TET3: variants seen among roughly 807,000 people sequenced by gnomAD.
TET3 encodes the protein tet methylcytosine dioxygenase 3.
TET3 carries 19 observed loss-of-function variants against 141.4 expected under a neutral mutation model. That is an observed-to-expected ratio of 0.13 (90% confidence interval 0.09 to 0.20). TET3 has a LOEUF of 0.20. Ranked by LOEUF, TET3 falls within the 10% of genes least tolerant of loss-of-function variation. The pLI, the probability that TET3 is intolerant of heterozygous loss-of-function variation, is 1.00. For missense variants in TET3, 1,874 were observed against 2,356.9 expected (o/e 0.80, Z 4.24); for synonymous variants, 1,043 against 980.9 (o/e 1.06, Z -1.18).
At chr2:74,052,266 C>T (rs1203227197) in intron 4 of TET3, among the ~76,000 whole-genome samples, 2 of 152,126 alleles carry the variant, frequency 1.3e-5, no homozygotes, top group Non-Finnish European at 2.9e-5. Flanking sequence ...AGGTATAAGC[C>T]ACCACGCCTG....
intron 3 of TET3, among the ~76,000 whole-genome samples, chr2:74,022,144 C>T (rs1313105733): frequency 3.6e-5 from 4 of 110,298 alleles, no homozygotes; most frequent in Non-Finnish European, 7.2e-5. Flanking sequence ...TGGTCTTTTC[C>T]CTCTGGGATT....
chr2:73,997,669 A>G (rs1486268966), intron 2 of TET3, among the ~76,000 whole-genome samples: 1 of 152,192 alleles, frequency 6.6e-6, no homozygotes, highest in African/African-American at 2.4e-5. Flanking sequence ...CCGAGGCAGG[A>G]CATCATCTGC....
chr2:74,045,532 T>C (rs369672141), intron 3 of TET3, among the ~76,000 whole-genome samples: 31 of 152,210 alleles, frequency 2.0e-4, no homozygotes, highest in African/African-American at 7.5e-4. Context: ...ATGAGGTATA[T>C]GGTGGTGGCT....
At chr2:74,119,202 A>C in the TET3 span, among the ~76,000 whole-genome samples, 3 of 152,046 alleles carry the variant, frequency 2.0e-5, no homozygotes, top group African/African-American at 7.2e-5. Flanking sequence ...AAAATCCAAA[A>C]ATTAGCTGGG....
chr2:74,005,458 A>G (rs1169454385), intron 3 of TET3, among the ~76,000 whole-genome samples: 3 of 152,232 alleles, frequency 2.0e-5, no homozygotes, highest in Non-Finnish European at 4.4e-5. Context: ...ACCTTCACAC[A>G]TAGAGTTTCC....
the TET3 span, chr2:74,121,516 A>G: frequency 1.3e-5 from 2 of 152,268 alleles, no homozygotes; most frequent in Non-Finnish European, 2.9e-5. Flanking sequence ...CACTCTGCCA[A>G]TAAGGTGCTT....
In TET3 at chr2:74,101,665, A is replaced by G; in HGVS notation, c.4877A>G (p.Lys1626Arg). The change falls in exon 12 of 12, where the codon AAG (lysine) becomes AGG (arginine). Residue 1626 changes from lysine (K) to arginine (R), a missense_variant. Physicochemically the swap from Lys to Arg is conservative, Grantham distance 26. Transcript: ENST00000409262. The surrounding 1 kb of genome is among the most constrained non-coding windows in gnomAD (Gnocchi z 8.5). The part of the protein sequence containing the change: ...PPSKGAVKEE[K>R]GGGGAEEEEE... ...AGCAAGGGAGCGGTGAAGGAGGAGA[A>G]GGGCGGTGGTGGTGCGGAGGAGGAA... is the stretch of plus-strand genomic sequence containing the variant. The G allele has an allele frequency of 1.9e-6, 3 of 1,613,680 alleles. No homozygotes were observed. Among genetic ancestry groups the G allele is most frequent in the Non-Finnish European group, 1.7e-6 (2 of 1,179,856 alleles).
chr2:74,115,782 G>T, the TET3 span, among the ~76,000 whole-genome samples: 1 of 152,162 alleles, frequency 6.6e-6, no homozygotes, highest in South Asian at 2.1e-4. Context: ...GGGAGGTCAA[G>T]GTGGGCAGAC....
At chr2:74,061,947 A>G (rs985843585) in intron 4 of TET3, among the ~76,000 whole-genome samples, 1 of 147,328 alleles carries the variant, frequency 6.8e-6, no homozygotes, top group Non-Finnish European at 1.5e-5. Flanking sequence ...CTGGGCAGCC[A>G]GGCAGAGGGG....
chr2:74,108,225 G>C (rs906357943), downstream of TET3: 2 of 153,766 alleles, frequency 1.3e-5, no homozygotes, highest in South Asian at 4.1e-4. Context: ...ACTGGAATGT[G>C]ATGTGTCAGG....
chr2:74,048,906 C>T (rs771035040), intron 4 of TET3, among the ~76,000 whole-genome samples: 15 of 151,938 alleles, frequency 9.9e-5, no homozygotes, highest in Non-Finnish European at 1.8e-4. Context: ...TGTGTAGGGC[C>T]CAGGGAGCCA....
In TET3 at chr2:74,047,401, C is replaced by T. The variant is rs368213255; in HGVS notation, c.1484C>T (p.Pro495Leu). The T allele has an allele frequency of 7.4e-6, 12 of 1,613,298 alleles. No individual in the cohort carries two copies. Among genetic ancestry groups the T allele is most frequent in the Non-Finnish European group, 1.0e-5 (12 of 1,179,832 alleles). Residue 495 changes from proline (P) to leucine (L), a missense_variant, in exon 4 of 12, where the codon CCC becomes CTC. By Grantham distance (98) the Pro-to-Leu change is moderately conservative (BLOSUM62 -3). Around this residue, in one of 10 missense-constraint regions of TET3, gnomAD observed 484 missense variants for 462.2 expected, o/e 1.05. Transcript: ENST00000409262. ...AAGCCCAAGGTCAAGGTGGAGGCAC[C>T]CTCTTCCTCCCCGGCCCCGGCCCCA... Reference protein sequence around the residue: ...PTKPKVKVEAPSSSPAPAPSP... With the variant: ...PTKPKVKVEALSSSPAPAPSP...
In TET3 at chr2:74,100,833, GCCCACCACCCCACTC is replaced by G. The variant is rs776323192; in HGVS notation, c.4047_4061del (p.Pro1352_His1356del). ...GCCCAGCCAGGCTGTTCCCACAGAC[GCCCACCACCCCACTC>G]CTCACCACCAGCAGCCTGCGTACCC... On this transcript the variant is annotated inframe_deletion, in exon 12 of 12. Transcript: ENST00000409262. 1.2e-6 allele frequency: 2 copies of G among 1,611,852 alleles called. No homozygotes were observed. Among genetic ancestry groups the G allele is most frequent in the Admixed American group, 3.3e-5 (2 of 59,762 alleles).
chr2:74,096,388 G>A (rs542787594), intron 10 of TET3, among the ~76,000 whole-genome samples: 1 of 152,312 alleles, frequency 6.6e-6, no homozygotes, highest in East Asian at 1.9e-4. Context: ...AAAAATATAA[G>A]TTTTCTGTTC....
intron 6 of TET3, among the ~76,000 whole-genome samples, chr2:74,081,198 A>C (rs1178886261): frequency 6.6e-6 from 1 of 152,230 alleles, no homozygotes; most frequent in East Asian, 1.9e-4. Context: ...TCAGTGACTC[A>C]GACCCCAAGT....
chr2:74,031,706 A>G (rs1476571052), intron 3 of TET3, among the ~76,000 whole-genome samples: 1 of 152,170 alleles, frequency 6.6e-6, no homozygotes, highest in Non-Finnish European at 1.5e-5. Flanking sequence ...CCTCTGCCAA[A>G]AATTAATTTT....
At chr2:74,065,312 A>G (rs1041093402) in intron 4 of TET3, among the ~76,000 whole-genome samples, 2 of 152,172 alleles carry the variant, frequency 1.3e-5, no homozygotes, top group African/African-American at 4.8e-5. Context: ...GGACTAATGA[A>G]TATTTATATA....
rs1687743134 is a variant in TET3 at position 74,048,057 on chromosome 2, T to C, written c.2140T>C (p.Phe714Leu). Residue 714 changes from phenylalanine (F) to leucine (L), a missense_variant, in exon 4 of 12, where the codon TTT (phenylalanine) becomes CTT (leucine). Around this residue, in one of 10 missense-constraint regions of TET3, gnomAD observed 484 missense variants for 462.2 expected, o/e 1.05. Transcript: ENST00000409262. ...CAAGCTGGAAGAGCTCATCCGGCAGTTTGAGGCTGAATTTGGAGATAGCTT... is the reference window on the plus strand; with the variant it reads ...CAAGCTGGAAGAGCTCATCCGGCAGCTTGAGGCTGAATTTGGAGATAGCTT... ...DDKLEELIRQFEAEFGDSFGL... is the reference protein window; with the variant it reads ...DDKLEELIRQLEAEFGDSFGL... The C allele has an allele frequency of 6.2e-7, 1 of 1,612,422 alleles. No individual in the cohort carries two copies. Among genetic ancestry groups the C allele is most frequent in the African/African-American group, 1.3e-5 (1 of 74,938 alleles).
chr2:74,079,870 G>A (rs188744195), intron 5 of TET3, among the ~76,000 whole-genome samples: 5 of 152,268 alleles, frequency 3.3e-5, no homozygotes, highest in African/African-American at 1.2e-4. Flanking sequence ...ATATAGTGTG[G>A]TTGATTAGAC....
Sources: gnomAD v4.1 joint callset for allele counts (sites outside exome capture counted in the v4.1 genomes callset) on GRCh38, gnomAD v4.1.1 for gene constraint, gnomAD v4.1.1 regional missense constraint, Gnocchi (gnomAD v3.1) non-coding constraint, MANE v1.5 for transcripts, NCBI Gene and HGNC (gene_info 2026-07-23, HGNC 2026-07-21) for gene names.